The following MAGI1 variants were observed in gnomAD, a reference collection of about 807,000 sequenced individuals.
The protein encoded by MAGI1 is membrane associated guanylate kinase, WW and PDZ domain containing 1.
A neutral mutation model predicts 139.9 loss-of-function variants in MAGI1; 58 were observed. The ratio of observed to expected loss-of-function variants is 0.41; its 90% CI spans 0.34 to 0.52. The LOEUF (loss-of-function observed/expected upper bound fraction) is 0.52, where lower values mean the gene tolerates loss of function less well. Among genes scored for constraint, MAGI1 ranks in the 20% least tolerant of loss-of-function variants. The probability of loss-of-function intolerance (pLI) is 0.12; values close to 1 mark genes in which losing one functional copy is unlikely to be tolerated. For missense variants in MAGI1, 1,874 were observed against 1,901.6 expected (o/e 0.99, Z 0.27); for synonymous variants, 812 against 737.9 (o/e 1.10, Z -1.63).
intron 1 of MAGI1, among the ~76,000 whole-genome samples, chr3:65,782,613 C>CAAAA (rs56367932): frequency 8.3e-5 from 5 of 60,542 alleles, no homozygotes; most frequent in Non-Finnish European, 1.2e-4. Flanking sequence ...ATTTCTTAAG[C>CAAAA]AAAAAAAAAA....
chr3:65,925,084 C>T (rs2106643878), intron 1 of MAGI1: 1 of 152,294 alleles, frequency 6.6e-6, no homozygotes, highest in Non-Finnish European at 1.5e-5. Flanking sequence ...CCATGGGATA[C>T]ACTGCTCCAT....
At chr3:65,426,524 T>C (rs1947055821) in intron 12 of MAGI1, among the ~76,000 whole-genome samples, 1 of 152,212 alleles carries the variant, frequency 6.6e-6, no homozygotes, top group Non-Finnish European at 1.5e-5. Context: ...ACAGTGTAGA[T>C]GAGTTTATCA....
Position 65,449,244 on chromosome 3 carries a change from G to A in MAGI1, c.1043-1187C>T, listed in dbSNP as rs867144978. 9.9e-5 allele frequency among the ~76,000 whole-genome samples: 15 copies of A among 152,104 alleles called. 1 individual carries two copies. The South Asian group carries it at 1.9e-3, about 19-fold the overall frequency. On this transcript the variant is annotated intron_variant, in intron 6 of 22. Coordinates refer to ENST00000402939, the MANE Select transcript of MAGI1 (RefSeq NM_001033057.2). The stretch of plus-strand genomic sequence containing the variant: ...CATATGTAACAAACCTGCACGTTGT[G>A]CATATATACCCTAGAACTTAAAGTA...
At chr3:65,638,596 G>GTTTTTT (rs1559744594) in intron 1 of MAGI1, among the ~76,000 whole-genome samples, 1 of 69,176 alleles carries the variant, frequency 1.4e-5, no homozygotes, top group Non-Finnish European at 3.0e-5. Flanking sequence ...ATGCTCTCCT[G>GTTTTTT]ATTTTTTTTT....
chr3:65,549,820 T>G (rs1034167669), intron 2 of MAGI1, among the ~76,000 whole-genome samples: 2 of 151,568 alleles, frequency 1.3e-5, no homozygotes, highest in Non-Finnish European at 2.9e-5. Flanking sequence ...TTGAAATGAA[T>G]AGGGAGGTGC....
At chr3:65,596,816 C>T (rs1477738475) in intron 2 of MAGI1, among the ~76,000 whole-genome samples, 7 of 152,236 alleles carry the variant, frequency 4.6e-5, no homozygotes, top group Non-Finnish European at 8.8e-5. Context: ...AAGCCAGACT[C>T]TGGATTCTGT....
intron 2 of MAGI1, among the ~76,000 whole-genome samples, chr3:65,533,347 T>TTC (rs1239425633): frequency 3.9e-5 from 6 of 152,188 alleles, no homozygotes; most frequent in African/African-American, 1.4e-4. Flanking sequence ...CAATCTGCTC[T>TTC]TCTCATCACA....
chr3:65,502,803 G>A (rs950102137), intron 2 of MAGI1, among the ~76,000 whole-genome samples: 3 of 152,296 alleles, frequency 2.0e-5, no homozygotes, highest in Non-Finnish European at 4.4e-5. Context: ...AGAAGGGTGC[G>A]TTGAAGCAGA....
In MAGI1 at chr3:65,954,413, C is replaced by T. The variant is rs148779230; in HGVS notation, c.313+83583G>A. The T allele has an allele frequency of 8.7e-3, 1,329 of 152,544 alleles. 10 individuals carry two copies. Among genetic ancestry groups the T allele is most frequent in the Non-Finnish European group, 0.015 (1,034 of 68,030 alleles). 9.4% of individuals were successfully genotyped at this position (152,544 alleles called of 1,614,324 possible). On this transcript the variant is annotated intron_variant, in intron 1 of 22. Coordinates refer to ENST00000402939, the MANE Select transcript of MAGI1 (RefSeq NM_001033057.2). ...CGGCAAGCAGGAGCGACATGGGCAG[C>T]GCTTGCCAAGGTGGTTAATTTTTTA...
intron 2 of MAGI1, among the ~76,000 whole-genome samples, chr3:65,530,624 GGTGTGT>G (rs57337916): frequency 0.25 from 32,785 of 129,008 alleles, 4,803 homozygotes; most frequent in Middle Eastern, 0.32. Flanking sequence ...ATGTGTGTGT[GGTGTGT>G]GTGTGTGTGT....
intron 1 of MAGI1, among the ~76,000 whole-genome samples, chr3:65,699,817 T>G (rs1376523404): frequency 6.6e-6 from 1 of 150,686 alleles, no homozygotes; most frequent in Admixed American, 6.6e-5. Flanking sequence ...GCATGGCACA[T>G]GTATACATAT....
At chr3:65,914,999 G>C (rs1396375788) in intron 1 of MAGI1, among the ~76,000 whole-genome samples, 1 of 152,188 alleles carries the variant, frequency 6.6e-6, no homozygotes, top group Admixed American at 6.5e-5. Flanking sequence ...AATGATAGTT[G>C]ATAATTTTTT....
intron 2 of MAGI1, among the ~76,000 whole-genome samples, chr3:65,502,112 G>A (rs2077105523): frequency 6.6e-6 from 1 of 152,098 alleles, no homozygotes; most frequent in Non-Finnish European, 1.5e-5. Context: ...ACTGTGCTTT[G>A]GTCAAAACCC....
chr3:65,473,180 A>C (rs1950657904), intron 4 of MAGI1, among the ~76,000 whole-genome samples: 1 of 152,296 alleles, frequency 6.6e-6, no homozygotes, highest in South Asian at 2.1e-4. Context: ...AATTATGATT[A>C]ATTTTGTCTT....
chr3:65,749,418 G>C (rs540341260), intron 1 of MAGI1, among the ~76,000 whole-genome samples: 3 of 152,190 alleles, frequency 2.0e-5, no homozygotes, highest in African/African-American at 7.2e-5. Context: ...AAGTGACTCA[G>C]GAATGGAAAA....
At position 65,546,021 on chromosome 3, in the gene MAGI1, A is replaced by C. The variant is rs1355711158; in HGVS notation, c.431-52390T>G. Among the ~76,000 whole-genome samples, 3 of 147,334 alleles carry C rather than the reference A, an allele frequency of 2.0e-5. No individual in the cohort carries two copies. The East Asian group carries it at 6.0e-4, about 29-fold the overall frequency. On this transcript the variant is annotated intron_variant, in intron 2 of 22. Transcript: ENST00000402939. ...ACACACACACACACACACACTCTCA[A>C]ACTACAAAAATAAATCTCCCTCTGT...
chr3:65,602,973 A>G (rs1412489537), intron 2 of MAGI1, among the ~76,000 whole-genome samples: 1 of 152,144 alleles, frequency 6.6e-6, no homozygotes, highest in Non-Finnish European at 1.5e-5. Context: ...CTTTATACCA[A>G]TTAATTTAAA....
At chr3:65,993,569 A>C (rs2107377220) in intron 1 of MAGI1, among the ~76,000 whole-genome samples, 1 of 152,236 alleles carries the variant, frequency 6.6e-6, no homozygotes, top group Non-Finnish European at 1.5e-5. Flanking sequence ...GAACCCAAAA[A>C]CTTGTTCACC....
At chr3:65,584,909 C>T (rs533473946) in intron 2 of MAGI1, among the ~76,000 whole-genome samples, 2 of 152,278 alleles carry the variant, frequency 1.3e-5, no homozygotes, top group Admixed American at 6.5e-5. Context: ...GGAAACTGAA[C>T]CCAACAAGGA....
Sources: gnomAD v4.1 joint callset for allele counts (sites outside exome capture counted in the v4.1 genomes callset) on GRCh38, gnomAD v4.1.1 for gene constraint, MANE v1.5 for transcripts, NCBI Gene and HGNC (gene_info 2026-07-23, HGNC 2026-07-21) for gene names.